VSTM2B: variants seen among roughly 807,000 people sequenced by gnomAD.
VSTM2B encodes V-set and transmembrane domain-containing protein 2B.
In VSTM2B, 24 loss-of-function variants were observed where a neutral mutation model predicts 24.0. That is an observed-to-expected ratio of 1.00 (90% CI 0.72 to 1.40). The LOEUF is 1.40. Ranked by LOEUF, VSTM2B falls within the 40% of genes most tolerant of loss-of-function variation. VSTM2B has a pLI of 0.00. For missense variants in VSTM2B, 399 were observed against 416.4 expected (o/e 0.96, Z 0.36); for synonymous variants, 226 against 194.4 (o/e 1.16, Z -1.35).
chr19:29,534,068 G>C (rs369877718), intron 4 of VSTM2B, among the ~76,000 whole-genome samples: 3 of 152,214 alleles, frequency 2.0e-5, no homozygotes, highest in East Asian at 3.8e-4. Flanking sequence ...AGGGTCACTG[G>C]GGGGGATGGA....
intron 4 of VSTM2B, among the ~76,000 whole-genome samples, chr19:29,534,455 C>T (rs939522574): frequency 9.2e-5 from 14 of 152,220 alleles, no homozygotes; most frequent in Non-Finnish European, 1.8e-4. Flanking sequence ...TGGCTCACGC[C>T]TGTAATCACA....
intron 4 of VSTM2B, among the ~76,000 whole-genome samples, chr19:29,531,160 C>T (rs1013153196): frequency 6.6e-6 from 1 of 152,056 alleles, no homozygotes; most frequent in African/African-American, 2.4e-5. Context: ...TGTGCCCCTC[C>T]TCCCAAGGCA....
chr19:29,549,056 T>C (rs1970213741), intron 4 of VSTM2B, among the ~76,000 whole-genome samples: 1 of 152,218 alleles, frequency 6.6e-6, no homozygotes, highest in Admixed American at 6.5e-5. Context: ...GGAAAAGCAG[T>C]CCTGGGGTTG....
intron 4 of VSTM2B, among the ~76,000 whole-genome samples, chr19:29,538,406 C>T (rs189541205): frequency 5.9e-5 from 9 of 152,216 alleles, no homozygotes; most frequent in East Asian, 3.9e-4. Flanking sequence ...TGGTAACCAG[C>T]GTTATTCACG....
intron 4 of VSTM2B, among the ~76,000 whole-genome samples, chr19:29,550,203 G>A (rs1033592318): frequency 6.6e-6 from 1 of 152,248 alleles, no homozygotes; most frequent in Non-Finnish European, 1.5e-5. Flanking sequence ...GGAGGCCAAG[G>A]CGGGAGGATC....
intron 4 of VSTM2B, among the ~76,000 whole-genome samples, chr19:29,544,119 A>G (rs1013535903): frequency 6.6e-6 from 1 of 151,362 alleles, no homozygotes; most frequent in African/African-American, 2.4e-5. Flanking sequence ...ATATACCTAT[A>G]TATATATATA....
intron 4 of VSTM2B, among the ~76,000 whole-genome samples, chr19:29,559,365 A>G (rs1407985571): frequency 6.6e-6 from 1 of 152,248 alleles, no homozygotes; most frequent in Non-Finnish European, 1.5e-5. Context: ...ACAGGAACAG[A>G]AAACCAAACA....
chr19:29,530,149 GC>G lies in VSTM2B; in HGVS notation c.630del (p.Ile211SerfsTer63), dbSNP rs1969706388. ...CCCGCCGCCCGGGAGCCCTCCCGCCGCCATCGATCCCGCAGTCCCCGAGGCC... is the reference window on the plus strand; with the variant it reads ...CCCGCCGCCCGGGAGCCCTCCCGCCGCATCGATCCCGCAGTCCCCGAGGCC... ...KSPPPGSPPAAIDPAVPEAAA... is the reference protein window; with the variant it reads ...KSPPPGSPPAXIDPAVPEAAA... On this transcript the variant is annotated frameshift_variant, in exon 4 of 5. Coordinates refer to ENST00000335523, the MANE Select transcript of VSTM2B (RefSeq NM_001146339.2). LOFTEE classifies it high-confidence loss of function. The G allele has an allele frequency of 1.4e-6, 2 of 1,470,046 alleles. No homozygotes were observed. The highest frequency in any genetic ancestry group is 8.9e-7 in the Non-Finnish European group (1 of 1,117,650). 91.1% of individuals were successfully genotyped at this position (1,470,046 alleles called of 1,614,324 possible).
chr19:29,533,350 T>C (rs1969805011), intron 4 of VSTM2B, among the ~76,000 whole-genome samples: 1 of 152,162 alleles, frequency 6.6e-6, no homozygotes, highest in African/African-American at 2.4e-5. Flanking sequence ...ACCCCTGGGA[T>C]AGAAGTACAG....
At chr19:29,562,817 G>A (rs1042873383) in intron 4 of VSTM2B, among the ~76,000 whole-genome samples, 13 of 152,130 alleles carry the variant, frequency 8.5e-5, no homozygotes, top group South Asian at 2.1e-4. Flanking sequence ...GGAGCCAGGC[G>A]GGGGACCAAG....
At chr19:29,540,806 C>G (rs1970003327) in intron 4 of VSTM2B, among the ~76,000 whole-genome samples, 1 of 152,128 alleles carries the variant, frequency 6.6e-6, no homozygotes, top group Non-Finnish European at 1.5e-5. Flanking sequence ...AGTCACATAG[C>G]AAGTGGAAAT....
chr19:29,546,940 G>C (rs776855234), intron 4 of VSTM2B, among the ~76,000 whole-genome samples: 1 of 152,202 alleles, frequency 6.6e-6, no homozygotes, highest in Non-Finnish European at 1.5e-5. Flanking sequence ...GTAGCCAGGG[G>C]CCAGGGTCAG....
intron 4 of VSTM2B, among the ~76,000 whole-genome samples, chr19:29,548,990 A>G (rs1309172192): frequency 6.6e-6 from 1 of 152,090 alleles, no homozygotes; most frequent in Non-Finnish European, 1.5e-5. Context: ...GAGGGGAAGG[A>G]TTTCTGCTGG....
chr19:29,546,576 G>C (rs902977703), intron 4 of VSTM2B, among the ~76,000 whole-genome samples: 6 of 152,192 alleles, frequency 3.9e-5, no homozygotes, highest in Admixed American at 2.6e-4. Flanking sequence ...CAGCCCACAG[G>C]CTCAAAGGTT....
rs117982310 is a variant in VSTM2B, at chr19:29,535,027, T to C, written c.769+4737T>C. 2.7e-4 allele frequency among the ~76,000 whole-genome samples: 41 copies of C among 152,308 alleles called. 1 individual carries two copies. The East Asian group carries it at 7.7e-3, about 29-fold the overall frequency. On this transcript the variant is annotated intron_variant, in intron 4 of 4. Transcript: ENST00000335523. ...CCCAAATACATATTTGCACTAAAAG[T>C]TGATGTGCAAAAACTCATTCATTTC...
chr19:29,554,542 A>G (rs1268214562), intron 4 of VSTM2B, among the ~76,000 whole-genome samples: 1 of 152,226 alleles, frequency 6.6e-6, no homozygotes, highest in African/African-American at 2.4e-5. Flanking sequence ...CAGCATCATG[A>G]TGACAGGATC....
At chr19:29,532,697 G>A (rs1409499039) in intron 4 of VSTM2B, among the ~76,000 whole-genome samples, 2 of 152,198 alleles carry the variant, frequency 1.3e-5, no homozygotes, top group Admixed American at 6.5e-5. Flanking sequence ...AGGGAGCTTG[G>A]TATGGAAATT....
chr19:29,549,467 C>T (rs952385050), intron 4 of VSTM2B, among the ~76,000 whole-genome samples: 5 of 151,712 alleles, frequency 3.3e-5, no homozygotes, highest in African/African-American at 1.2e-4. Flanking sequence ...AGCCCCAACG[C>T]TGCCCCCAGT....
chr19:29,528,911 G>T (rs1969653816), intron 3 of VSTM2B: 1 of 985,404 alleles, frequency 1.0e-6, no homozygotes, highest in East Asian at 1.1e-4. Context: ...TCCTCCGCCT[G>T]GATTGCGGGT....
Sources: gnomAD v4.1 joint callset for allele counts (sites outside exome capture counted in the v4.1 genomes callset) on GRCh38, gnomAD v4.1.1 for gene constraint, MANE v1.5 for transcripts, NCBI Gene and HGNC (gene_info 2026-07-23, HGNC 2026-07-21) for gene names.